FIGNL2: variants seen among roughly 807,000 people sequenced by gnomAD.
FIGNL2 encodes fidgetin-like protein 2.
For missense variants in FIGNL2, 1,060 were observed against 950.2 expected, an observed-to-expected ratio of 1.12 and a Z score of -1.52; for synonymous variants, 565 against 484.0, an observed-to-expected ratio of 1.17 and a Z score of -2.20.
At chr12:51,828,522 TC>T (rs1340263074) in intron 1 of FIGNL2, 1 of 152,198 alleles carries the variant, frequency 6.6e-6, no homozygotes, top group Non-Finnish European at 1.5e-5. Context: ...GTAAAGTCAT[TC>T]CTAAAACCCC....
chr12:51,848,280 G>A, intron 1 of FIGNL2: 1 of 985,144 alleles, frequency 1.0e-6, no homozygotes, highest in Non-Finnish European at 1.2e-6. Context: ...GGGGCTGCGA[G>A]ACGGGTGCCC....
At chr12:51,837,143 A>G (rs929765013) in intron 1 of FIGNL2, among the ~76,000 whole-genome samples, 3 of 152,082 alleles carry the variant, frequency 2.0e-5, no homozygotes, top group Non-Finnish European at 4.4e-5. Flanking sequence ...GGGGAAGCTC[A>G]AGACTAGATT....
In FIGNL2 at chr12:51,820,410, G is replaced by C. The variant is rs753152237; in HGVS notation, c.*42C>G. On this transcript the variant is annotated 3_prime_UTR_variant, in exon 2 of 2. Coordinates refer to ENST00000618634, the MANE Select transcript of FIGNL2 (RefSeq NM_001384995.1). ...CATCCCTCCCACGCGGAGGCGGCGG[G>C]GACGGAGGGACTGCGGCTCCCGCGG... The C allele has an allele frequency of 1.4e-5, 22 of 1,555,632 alleles. No homozygotes were observed. In the East Asian group the frequency reaches 5.2e-4, roughly 37 times the overall value.
At chr12:51,833,933 C>A (rs1255675442) in intron 1 of FIGNL2, among the ~76,000 whole-genome samples, 1 of 149,754 alleles carries the variant, frequency 6.7e-6, no homozygotes, top group Non-Finnish European at 1.5e-5. Context: ...CAATAGACTA[C>A]AGGATGGATG....
intron 1 of FIGNL2, among the ~76,000 whole-genome samples, chr12:51,829,119 C>A (rs1939403068): frequency 6.6e-6 from 1 of 152,250 alleles, no homozygotes; most frequent in Non-Finnish European, 1.5e-5. Context: ...GGAGAAGGGG[C>A]CATGCCTCTG....
In FIGNL2 at chr12:51,821,895, C is replaced by T; in HGVS notation, c.519G>A (p.Ala173=). ...GGGYLAPGYC[A]QTGAALPPPP... ...GCGGGGGCAGCGCGGCGCCCGTCTG[C>T]GCGCAGTAACCCGGCGCCAGGTACC... Residue 173 remains alanine, a synonymous_variant, in exon 2 of 2, where the codon GCG becomes GCA. Coordinates refer to ENST00000618634, the MANE Select transcript of FIGNL2 (RefSeq NM_001384995.1). 1.4e-6 allele frequency: 2 copies of T among 1,423,596 alleles called. No individual in the cohort carries two copies. Among genetic ancestry groups the T allele is most frequent in the Non-Finnish European group, 1.8e-6 (2 of 1,094,406 alleles). The allele number at this position is 1,423,596 out of a possible 1,614,324, so 88.2% of individuals were successfully genotyped here. A position where few individuals can be genotyped will look rare whatever the true frequency, so the allele number is the denominator to read the frequency against.
At position 51,821,916 on chromosome 12, in the gene FIGNL2, G is replaced by T; in HGVS notation, c.498C>A (p.Tyr166Ter). ...TCTGCGCGCAGTAACCCGGCGCCAG[G>T]TACCCCCCGCCGTAGCCGGCCGCGT... ...PEYAAGYGGGYLAPGYCAQTG... is the reference protein window; with the variant it reads ...PEYAAGYGGG The change falls in exon 2 of 2, where the codon TAC (tyrosine) becomes TAA (stop). Residue 166 changes from tyrosine (Y) to a stop codon, truncating the protein, a stop_gained. Coordinates refer to ENST00000618634, the MANE Select transcript of FIGNL2 (RefSeq NM_001384995.1). LOFTEE classifies it low-confidence loss of function (END_TRUNC). 6.7e-7 allele frequency: 1 copy of T among 1,487,088 alleles called. No homozygotes were observed. Among genetic ancestry groups the T allele is most frequent in the Non-Finnish European group, 8.9e-7 (1 of 1,122,266 alleles). 92.1% of individuals were successfully genotyped at this position (1,487,088 alleles called of 1,614,324 possible). A position where few individuals can be genotyped will look rare whatever the true frequency, so the allele number is the denominator to read the frequency against.
rs567776318 is a variant in FIGNL2, at chr12:51,818,459, G to C, written c.*1993C>G. On this transcript the variant is annotated 3_prime_UTR_variant, in exon 2 of 2. Transcript: ENST00000618634. ...CGAGGGTCTTTTGCAGCCTGCGGCTGTGACCCGGCAGCCCACTGCTTCTGA... is the reference window on the plus strand; with the variant it reads ...CGAGGGTCTTTTGCAGCCTGCGGCTCTGACCCGGCAGCCCACTGCTTCTGA... 3.4e-4 allele frequency: 52 copies of C among 152,262 alleles called. No homozygotes were observed. The highest frequency in any genetic ancestry group is 1.3e-3 in the African/African-American group (52 of 41,508). The allele number at this position is 152,262 out of a possible 1,614,324, so 9.4% of individuals were successfully genotyped here.
intron 1 of FIGNL2, among the ~76,000 whole-genome samples, chr12:51,836,969 A>G (rs1414528221): frequency 2.0e-5 from 3 of 152,084 alleles, no homozygotes; most frequent in South Asian, 2.1e-4. Flanking sequence ...TCTCTGGCCA[A>G]TCACAGCACT....
chr12:51,845,470 CA>C (rs1939734458), intron 1 of FIGNL2: 1 of 982,204 alleles, frequency 1.0e-6, no homozygotes, highest in Non-Finnish European at 1.2e-6. Flanking sequence ...GCCCCCCCCC[CA>C]CAGTCTCTGT....
In FIGNL2 at chr12:51,820,360, C is replaced by A; in HGVS notation, c.*92G>T. On this transcript the variant is annotated 3_prime_UTR_variant, in exon 2 of 2. Coordinates refer to ENST00000618634, the MANE Select transcript of FIGNL2 (RefSeq NM_001384995.1). The stretch of plus-strand genomic sequence containing the variant: ...CGATCCCACATTCACCACTCCAGCC[C>A]CTGCCAGCCGGGTTTAGTCAGTGAC... 1 of 1,496,566 alleles carries A rather than the reference C, an allele frequency of 6.7e-7. No homozygotes were observed. The highest frequency in any genetic ancestry group is 2.1e-5 in the Admixed American group (1 of 46,794). The allele number at this position is 1,496,566 out of a possible 1,614,324, so 92.7% of individuals were successfully genotyped here. A position where few individuals can be genotyped will look rare whatever the true frequency, so the allele number is the denominator to read the frequency against.
At chr12:51,828,860 T>C (rs578002847) in intron 1 of FIGNL2, among the ~76,000 whole-genome samples, 2 of 152,372 alleles carry the variant, frequency 1.3e-5, no homozygotes, top group South Asian at 4.1e-4. Context: ...AGTGGACCTC[T>C]AACCTTCCTT....
intron 1 of FIGNL2, 107 bp from the exon 2 acceptor site, chr12:51,822,531 G>A: frequency 1.5e-6 from 2 of 1,327,702 alleles, no homozygotes; most frequent in East Asian, 2.5e-5. Flanking sequence ...GACAGGCTGG[G>A]CTTCCGGCAT....
In FIGNL2 at chr12:51,821,737, G is replaced by T; in HGVS notation, c.677C>A (p.Pro226His). ...YGALPPPPGP[P>H]PAPYLTPGLP... ...GCCCGGGGTCAGGTAGGGGGCCGGGGGTGGGCCTGGGGGCGGCGGGAGCGC... is the reference window on the plus strand; with the variant it reads ...GCCCGGGGTCAGGTAGGGGGCCGGGTGTGGGCCTGGGGGCGGCGGGAGCGC... Residue 226 changes from proline (P) to histidine (H), a missense_variant, in exon 2 of 2, where the codon CCC (proline) becomes CAC (histidine). Physicochemically the swap from Pro to His is moderately conservative, Grantham distance 77 (BLOSUM62 -2). Coordinates refer to ENST00000618634, the MANE Select transcript of FIGNL2 (RefSeq NM_001384995.1). 1 of 1,303,060 alleles carries T rather than the reference G, an allele frequency of 7.7e-7. No individual in the cohort carries two copies. The highest frequency in any genetic ancestry group is 9.7e-7 in the Non-Finnish European group (1 of 1,033,264). The allele number at this position is 1,303,060 out of a possible 1,614,324, so 80.7% of individuals were successfully genotyped here.
At position 51,826,183 on chromosome 12, in the gene FIGNL2, CAGTT is replaced by C. The variant is rs1342440809; in HGVS notation, c.-11-3763_-11-3760del. On this transcript the variant is annotated intron_variant, in intron 1 of 1. Coordinates refer to ENST00000618634, the MANE Select transcript of FIGNL2 (RefSeq NM_001384995.1). ...AGGTGCTGGGCCCGCCCCCCCCACA[CAGTT>C]AGCTTGATTAATTCTCATCTTCAAA... Among the ~76,000 whole-genome samples the C allele has an allele frequency of 3.8e-3, 585 of 152,052 alleles. 2 individuals carry two copies. Among genetic ancestry groups the C allele is most frequent in the African/African-American group, 0.013 (541 of 41,448 alleles).
chr12:51,820,459 C>T lies in FIGNL2; in HGVS notation c.1955G>A (p.Gly652Glu). 1 of 1,588,990 alleles carries T rather than the reference C, an allele frequency of 6.3e-7. No individual in the cohort carries two copies. ...GGCCTCCCCCGCGCGCCGTCAGTGT[C>T]CGGAGCCGTACATTTTGTCCCACTC... is the stretch of plus-strand genomic sequence containing the variant. Reference protein sequence around the residue: ...FVEWDKMYGSGH With the variant: ...FVEWDKMYGSEH Residue 652 changes from glycine to glutamate, a missense_variant, in exon 2 of 2, where the codon GGA becomes GAA. By Grantham distance (98) the Gly-to-Glu change is moderately conservative. Transcript: ENST00000618634.
At chr12:51,839,490 A>T (rs548451595) in intron 1 of FIGNL2, among the ~76,000 whole-genome samples, 3 of 152,128 alleles carry the variant, frequency 2.0e-5, no homozygotes, top group Admixed American at 2.0e-4. Context: ...TGCCTTCCTA[A>T]TCCTTCTTCT....
chr12:51,821,496 G>A lies in FIGNL2; in HGVS notation c.918C>T (p.Gly306=). 6.4e-7 allele frequency: 1 copy of A among 1,559,002 alleles called. No individual in the cohort carries two copies. The highest frequency in any genetic ancestry group is 2.4e-5 in the East Asian group (1 of 40,832). ...YPAADNGECR[G]NGFRAKPPGA... Reference sequence around the variant, plus strand: ...CTGGCGGCTTGGCCCGGAACCCGTTGCCCCGACATTCGCCGTTGTCCGCGG... The same window carrying A: ...CTGGCGGCTTGGCCCGGAACCCGTTACCCCGACATTCGCCGTTGTCCGCGG... The change falls in exon 2 of 2, where the codon GGC becomes GGT. Residue 306 remains glycine (G), a synonymous_variant. Transcript: ENST00000618634.
chr12:51,828,625 G>A (rs1022747005), intron 1 of FIGNL2, among the ~76,000 whole-genome samples: 1 of 152,166 alleles, frequency 6.6e-6, no homozygotes, highest in Non-Finnish European at 1.5e-5. Flanking sequence ...TCTCCCCCGT[G>A]GTCCTGCTGC....
Sources: gnomAD v4.1 joint callset for allele counts (sites outside exome capture counted in the v4.1 genomes callset) on GRCh38, gnomAD v4.1.1 for gene constraint, MANE v1.5 for transcripts, NCBI Gene and HGNC (gene_info 2026-07-23, HGNC 2026-07-21) for gene names.